BBS4: variants seen among roughly 807,000 people sequenced by gnomAD.
BBS4 encodes the protein BBSome complex member BBS4.
In BBS4, 58 loss-of-function variants were observed where a neutral mutation model predicts 71.4. The ratio of observed to expected loss-of-function variants is 0.81; its 90% CI spans 0.66 to 1.01. The LOEUF (loss-of-function observed/expected upper bound fraction) is 1.01. Among genes scored for constraint, BBS4 ranks in the 50% least tolerant of loss-of-function variants. The pLI, the probability that BBS4 is intolerant of heterozygous loss-of-function variation, is 0.00. For missense variants in BBS4, 660 were observed against 607.9 expected (o/e 1.09, Z -0.90); for synonymous variants, 228 against 216.8 (o/e 1.05, Z -0.46).
At chr15:72,733,834 T>C (rs2065872525) in intron 12 of BBS4, among the ~76,000 whole-genome samples, 1 of 152,216 alleles carries the variant, frequency 6.6e-6, no homozygotes, top group African/African-American at 2.4e-5. Context: ...TTTTAGCTCT[T>C]TGGGGAATTG....
At chr15:72,717,777 TGA>T (rs1158633748) in intron 6 of BBS4, among the ~76,000 whole-genome samples, 2 of 152,202 alleles carry the variant, frequency 1.3e-5, no homozygotes, top group Admixed American at 6.5e-5. Flanking sequence ...CCATTCTCTA[TGA>T]GAGATGTTCT....
In BBS4 at chr15:72,715,359, A is replaced by C. The variant is rs2065449512; in HGVS notation, c.289A>C (p.Ser97Arg). Residue 97 changes from serine to arginine, a missense_variant, in exon 5 of 16, where the codon AGT becomes CGT. By Grantham distance (110) the Ser-to-Arg change is moderately radical. Transcript: ENST00000268057. ...LELFQTCAVL[S>R]PQSADNLKQV... ...ACTCTTCCAGACATGTGCAGTTCTT[A>C]GTCCTCAGAGTGCTGATAACCTCAA... The C allele has an allele frequency of 5.0e-6, 8 of 1,614,014 alleles. No homozygotes were observed. The highest frequency in any genetic ancestry group is 6.8e-6 in the Non-Finnish European group (8 of 1,179,974).
chr15:72,707,542 A>C (rs1009367989), intron 2 of BBS4, among the ~76,000 whole-genome samples: 1 of 152,120 alleles, frequency 6.6e-6, no homozygotes, highest in Admixed American at 6.6e-5. Context: ...TAATATAAAC[A>C]CACATGTACT....
chr15:72,715,542 A>C, intron 5 of BBS4, 140 bp downstream of exon 5: 1 of 703,468 alleles, frequency 1.4e-6, no homozygotes, highest in Non-Finnish European at 2.6e-6. Context: ...AGTGGGATTC[A>C]CTCTGAAGAG....
chr15:72,688,430 T>TTTTTTTTTTTTTTTTC (rs1285460524), intron 1 of BBS4, among the ~76,000 whole-genome samples: 1 of 144,556 alleles, frequency 6.9e-6, no homozygotes, highest in African/African-American at 2.6e-5. Flanking sequence ...TTTTTTTTTT[T>TTTTTTTTTTTTTTTTC]TGAGACGGAG....
intron 2 of BBS4, chr15:72,704,455 C>T (rs1470079846): frequency 1.9e-5 from 25 of 1,287,314 alleles, no homozygotes; most frequent in Non-Finnish European, 2.4e-5. Flanking sequence ...ATTTGGAATA[C>T]CAGAAATTCA....
chr15:72,689,213 A>G lies in BBS4; in HGVS notation c.24+2962A>G, dbSNP rs918617751. Among the ~76,000 whole-genome samples, 3 of 152,222 alleles carry G rather than the reference A, an allele frequency of 2.0e-5. 1 individual carries two copies. The highest frequency in any genetic ancestry group is 7.2e-5 in the African/African-American group (3 of 41,448). On this transcript the variant is annotated intron_variant, in intron 1 of 15. Transcript: ENST00000268057. ...GGAGGAGAGAAAAGGAAAAGACTCAAAACTCACAGAATTTTTGAAGAAATG... is the reference window on the plus strand; with the variant it reads ...GGAGGAGAGAAAAGGAAAAGACTCAGAACTCACAGAATTTTTGAAGAAATG...
rs111566649 is a variant in BBS4 at position 72,737,468 on chromosome 15, T to G, written c.1451-10T>G. 1 of 1,604,794 alleles carries G rather than the reference T, an allele frequency of 6.2e-7. No individual in the cohort carries two copies. The highest frequency in any genetic ancestry group is 2.2e-5 in the East Asian group (1 of 44,836). The stretch of plus-strand genomic sequence containing the variant: ...GAACATGAGGATTCAAGTTTTTATT[T>G]TGTTACTAGGTGCTGGAGGAACATC... On this transcript the variant is annotated splice_polypyrimidine_tract_variant and intron_variant, in intron 15 of 15. Transcript: ENST00000268057.
At chr15:72,705,558 CACTCAAGAA>C in intron 2 of BBS4, among the ~76,000 whole-genome samples, 1 of 148,462 alleles carries the variant, frequency 6.7e-6, no homozygotes, top group Middle Eastern at 3.5e-3. Flanking sequence ...CTCCAGCTTT[CACTCAAGAA>C]ACACAAAACA....
intron 3 of BBS4, among the ~76,000 whole-genome samples, chr15:72,710,794 T>G (rs2065355274): frequency 6.6e-6 from 1 of 151,872 alleles, no homozygotes; most frequent in Non-Finnish European, 1.5e-5. Flanking sequence ...TACCAGTTTT[T>G]TTTTTTCTTT....
chr15:72,690,443 T>A (rs1183695141), intron 1 of BBS4, among the ~76,000 whole-genome samples: 1 of 152,212 alleles, frequency 6.6e-6, no homozygotes, highest in Non-Finnish European at 1.5e-5. Flanking sequence ...AAAAAAATAA[T>A]TCTGCTTTGT....
At position 72,713,994 on chromosome 15, in the gene BBS4, A is replaced by G. The variant is rs539980044; in HGVS notation, c.221-1297A>G. On this transcript the variant is annotated intron_variant, in intron 4 of 15. Coordinates refer to ENST00000268057, the MANE Select transcript of BBS4 (RefSeq NM_033028.5). ...ATTACCCATTTTTTAGTTTCTGGCT[A>G]GTGTTTTTTGGAATGGATGCTTAGG... is the stretch of plus-strand genomic sequence containing the variant. 7.1e-4 allele frequency among the ~76,000 whole-genome samples: 108 copies of G among 152,250 alleles called. 1 individual carries two copies. The highest frequency in any genetic ancestry group is 2.5e-3 in the African/African-American group (103 of 41,570).
chr15:72,697,285 C>T (rs147514002), intron 2 of BBS4, among the ~76,000 whole-genome samples: 8 of 152,274 alleles, frequency 5.3e-5, no homozygotes, highest in East Asian at 1.9e-4. Context: ...TAAGTATTAA[C>T]GGGACTTTAA....
intron 8 of BBS4, 53 bp from the exon 9 acceptor site, chr15:72,727,887 C>T (rs1431072596): frequency 7.4e-7 from 1 of 1,354,550 alleles, no homozygotes; most frequent in East Asian, 2.3e-5. Flanking sequence ...GTGCATGTGT[C>T]TTCGTGTTTC....
intron 1 of BBS4, among the ~76,000 whole-genome samples, chr15:72,689,159 T>C (rs571117919): frequency 5.3e-5 from 8 of 152,254 alleles, no homozygotes; most frequent in African/African-American, 1.9e-4. Flanking sequence ...GGAAAACATA[T>C]AGATCCGTAG....
rs1225008412 is a variant in BBS4, at chr15:72,722,078, C to T, written c.406-716C>T. Among the ~76,000 whole-genome samples, 6 of 152,114 alleles carry T rather than the reference C, an allele frequency of 3.9e-5. No homozygotes were observed. In the East Asian group the frequency reaches 9.6e-4, roughly 24 times the overall value. On this transcript the variant is annotated intron_variant, in intron 6 of 15. Transcript: ENST00000268057. The stretch of plus-strand genomic sequence containing the variant: ...TAGCTTCATACAGACTCTGTTGCAA[C>T]GACTTAACTCTGCAGTTCTAATGCA...
chr15:72,698,999 C>CT (rs2065126045), intron 2 of BBS4, among the ~76,000 whole-genome samples: 1 of 152,302 alleles, frequency 6.6e-6, no homozygotes, highest in South Asian at 2.1e-4. Flanking sequence ...ACTATTTCTA[C>CT]TGTGATAGTG....
At chr15:72,701,086 A>G (rs1271191117) in intron 2 of BBS4, among the ~76,000 whole-genome samples, 3 of 152,230 alleles carry the variant, frequency 2.0e-5, no homozygotes, top group Non-Finnish European at 4.4e-5. Context: ...GAATATTATC[A>G]GTGCCCTCCA....
Position 72,714,441 on chromosome 15 carries a change from G to A in BBS4, c.221-850G>A, listed in dbSNP as rs527680444. Among the ~76,000 whole-genome samples the A allele has an allele frequency of 2.0e-5, 3 of 152,180 alleles. No homozygotes were observed. The South Asian group carries it at 6.2e-4, about 32-fold the overall frequency. ...AGGTTTTGCCATATTGGCCAGGCTG[G>A]TCTCGAACTCCTGACCTCAGGTGAT... is the stretch of plus-strand genomic sequence containing the variant. On this transcript the variant is annotated intron_variant, in intron 4 of 15. Transcript: ENST00000268057.
Sources: allele counts gnomAD v4.1 joint callset (sites outside exome capture counted in the v4.1 genomes callset), GRCh38; gene constraint gnomAD v4.1.1; transcripts MANE v1.5; gene names NCBI Gene and HGNC (gene_info 2026-07-23, HGNC 2026-07-21).